METTL15: variants seen among roughly 807,000 people sequenced by gnomAD.
METTL15 encodes methyltransferase 15, mitochondrial 12S rRNA N4-cytidine.
METTL15 carries 34 observed loss-of-function variants against 38.3 expected under a neutral mutation model. The ratio of observed to expected loss-of-function variants is 0.89; its 90% CI spans 0.68 to 1.18. METTL15 has a LOEUF of 1.18. Among genes scored for constraint, METTL15 ranks in the 50% most tolerant of loss-of-function variants. METTL15 has a pLI of 0.00. For synonymous variants in METTL15, 162 were observed against 170.9 expected (o/e 0.95, Z 0.41); for missense variants, 438 against 498.4 (o/e 0.88, Z 1.15).
intron 6 of METTL15, among the ~76,000 whole-genome samples, chr11:28,298,905 T>G (rs777418944): frequency 5.3e-5 from 8 of 152,114 alleles, no homozygotes; most frequent in Non-Finnish European, 1.0e-4. Context: ...GAGAGGCTGC[T>G]TTATACTAGC....
intron 6 of METTL15, among the ~76,000 whole-genome samples, chr11:28,485,628 A>G (rs990443854): frequency 6.6e-6 from 1 of 152,198 alleles, no homozygotes; most frequent in Non-Finnish European, 1.5e-5. Context: ...AGTAGAGAGT[A>G]GAAAAGATAA....
intron 3 of METTL15, among the ~76,000 whole-genome samples, chr11:28,172,455 A>G (rs888098797): frequency 1.3e-4 from 20 of 152,270 alleles, no homozygotes; most frequent in Admixed American, 9.8e-4. Flanking sequence ...AAAGCTCAGT[A>G]TTACTAACTT....
chr11:28,503,453 T>C (rs1851600913), intron 6 of METTL15, among the ~76,000 whole-genome samples: 1 of 152,174 alleles, frequency 6.6e-6, no homozygotes, highest in Non-Finnish European at 1.5e-5. Flanking sequence ...AAATTGAGGA[T>C]TGTGGAAATT....
chr11:28,432,812 C>T (rs1430468074), intron 6 of METTL15, among the ~76,000 whole-genome samples: 3 of 152,036 alleles, frequency 2.0e-5, no homozygotes, highest in Admixed American at 6.5e-5. Context: ...AGCAATTGTG[C>T]CCTGGGAAGA....
intron 5 of METTL15, among the ~76,000 whole-genome samples, chr11:28,373,346 T>A (rs1218675414): frequency 3.9e-5 from 6 of 152,120 alleles, no homozygotes; most frequent in Non-Finnish European, 5.9e-5. Flanking sequence ...CATTGTGGTT[T>A]TGATTTGCAT....
chr11:28,438,256 C>G (rs1405185798), intron 6 of METTL15, among the ~76,000 whole-genome samples: 1 of 152,204 alleles, frequency 6.6e-6, no homozygotes, highest in East Asian at 1.9e-4. Flanking sequence ...GCACTATTCT[C>G]TCTAGGAGCT....
At chr11:28,481,979 A>G (rs1851399303) in intron 6 of METTL15, among the ~76,000 whole-genome samples, 1 of 152,166 alleles carries the variant, frequency 6.6e-6, no homozygotes, top group Non-Finnish European at 1.5e-5. Flanking sequence ...TGTTCATTTG[A>G]GCTCCCTGGA....
At chr11:28,433,548 CAATT>C (rs1850955190) in intron 6 of METTL15, among the ~76,000 whole-genome samples, 1 of 152,024 alleles carries the variant, frequency 6.6e-6, no homozygotes, top group South Asian at 2.1e-4. Context: ...GTAAACAAGA[CAATT>C]AATGAACGCA....
intron 6 of METTL15, among the ~76,000 whole-genome samples, chr11:28,521,218 A>T (rs1019055165): frequency 1.3e-5 from 2 of 152,188 alleles, no homozygotes; most frequent in Non-Finnish European, 2.9e-5. Flanking sequence ...CATTCTAATC[A>T]GCCCTTATTT....
At chr11:28,359,107 C>T (rs1022840005) in intron 4 of METTL15, among the ~76,000 whole-genome samples, 2 of 152,106 alleles carry the variant, frequency 1.3e-5, no homozygotes, top group African/African-American at 4.8e-5. Flanking sequence ...CTAGTAGTCC[C>T]CAGTGTCTCT....
chr11:28,203,637 G>A (rs1852197671), intron 3 of METTL15, among the ~76,000 whole-genome samples: 1 of 151,994 alleles, frequency 6.6e-6, no homozygotes, highest in African/African-American at 2.4e-5. Context: ...TCCAGGCCTT[G>A]GTTTCCTCAT....
chr11:28,260,609 C>T (rs529491583), intron 4 of METTL15, among the ~76,000 whole-genome samples: 5 of 152,258 alleles, frequency 3.3e-5, no homozygotes, highest in Admixed American at 2.6e-4. Context: ...CAGAAAAGAG[C>T]TACTACCCCC....
chr11:28,374,601 T>C (rs958043624), intron 5 of METTL15, among the ~76,000 whole-genome samples: 30 of 137,672 alleles, frequency 2.2e-4, no homozygotes, highest in African/African-American at 6.9e-4. Context: ...TACAATCATG[T>C]CATCTGCAAA....
At chr11:28,482,874 G>C (rs373913526) in intron 6 of METTL15, among the ~76,000 whole-genome samples, 1 of 152,166 alleles carries the variant, frequency 6.6e-6, no homozygotes, top group Non-Finnish European at 1.5e-5. Context: ...GATTCAGAGA[G>C]CTCTCATCAA....
chr11:28,338,914 A>G (rs1378882928), intron 3 of METTL15, among the ~76,000 whole-genome samples: 1 of 152,128 alleles, frequency 6.6e-6, no homozygotes, highest in Non-Finnish European at 1.5e-5. Context: ...TAAGGAATGA[A>G]AAAGATCTTG....
At chr11:28,429,144 G>T (rs1217286402) in intron 6 of METTL15, among the ~76,000 whole-genome samples, 1 of 152,048 alleles carries the variant, frequency 6.6e-6, no homozygotes, top group Non-Finnish European at 1.5e-5. Flanking sequence ...TGTGTAATAG[G>T]TTTCTCAGTC....
intron 3 of METTL15, among the ~76,000 whole-genome samples, chr11:28,168,062 G>T (rs759367568): frequency 5.3e-5 from 8 of 151,922 alleles, no homozygotes; most frequent in African/African-American, 1.9e-4. Flanking sequence ...TACATTTAGG[G>T]AAAGATTCCT....
At chr11:28,470,432 C>G (rs1851294361) in intron 6 of METTL15, among the ~76,000 whole-genome samples, 1 of 152,088 alleles carries the variant, frequency 6.6e-6, no homozygotes. Context: ...ATGTCCTGCC[C>G]TTAAAGAGAA....
chr11:28,470,124 T>C (rs113351430), intron 6 of METTL15, among the ~76,000 whole-genome samples: 91 of 152,294 alleles, frequency 6.0e-4, no homozygotes, highest in African/African-American at 2.2e-3. Context: ...TTGGTAATAA[T>C]GTTCAAGGGA....
Sources: gnomAD v4.1 joint callset for allele counts (sites outside exome capture counted in the v4.1 genomes callset) on GRCh38, gnomAD v4.1.1 for gene constraint, MANE v1.5 for transcripts, NCBI Gene and HGNC (gene_info 2026-07-23, HGNC 2026-07-21) for gene names.